SLC60A2: variants seen among roughly 807,000 people sequenced by gnomAD.
The protein encoded by SLC60A2 is major facilitator superfamily domain containing 4B.
At chr6:111,269,759 A>T in the SLC60A2 span, 40 of 152,350 alleles carry the variant, frequency 2.6e-4, 1 homozygote, top group African/African-American at 9.4e-4. Flanking sequence ...ATGTTTCCAC[A>T]CACCAACATG....
chr6:111,279,678 T>C, the SLC60A2 span, among the ~76,000 whole-genome samples: 3 of 152,298 alleles, frequency 2.0e-5, no homozygotes, highest in Admixed American at 1.3e-4. Flanking sequence ...GCTCAGATCT[T>C]TTGGAGGTTG....
At chr6:111,265,472 A>G in the SLC60A2 span, 1 of 780,228 alleles carries the variant, frequency 1.3e-6, no homozygotes, top group South Asian at 5.8e-5. Context: ...ACCAACAGCA[A>G]GTACAGAAAG....
chr6:111,272,479 T>G, the SLC60A2 span, among the ~76,000 whole-genome samples: 1 of 151,806 alleles, frequency 6.6e-6, no homozygotes, highest in Admixed American at 6.6e-5. Context: ...ACTGTGCTGT[T>G]GAACACTAGA....
the SLC60A2 span, chr6:111,263,881 A>T: frequency 2.5e-6 from 4 of 1,612,610 alleles, no homozygotes; most frequent in African/African-American, 5.3e-5. Flanking sequence ...CCTTTTTGCA[A>T]GACAGCAATA....
the SLC60A2 span, chr6:111,259,814 A>G: frequency 8.0e-7 from 1 of 1,248,144 alleles, no homozygotes; most frequent in Admixed American, 2.4e-5. Context: ...CGCGTTACCT[A>G]ATCTGACTGG....
chr6:111,277,349 C>G, the SLC60A2 span, among the ~76,000 whole-genome samples: 5 of 152,010 alleles, frequency 3.3e-5, no homozygotes, highest in African/African-American at 1.2e-4. Flanking sequence ...TTGATTTTTA[C>G]CAAGAAAGAA....
chr6:111,264,704 C>T, the SLC60A2 span, among the ~76,000 whole-genome samples: 1 of 151,032 alleles, frequency 6.6e-6, no homozygotes, highest in East Asian at 2.0e-4. Context: ...AGGAGAATGG[C>T]ATGAACCCAG....
chr6:111,265,892 C>G, the SLC60A2 span: 1 of 1,609,310 alleles, frequency 6.2e-7, no homozygotes, highest in South Asian at 1.1e-5. Context: ...ACGTCCTTAT[C>G]TTGGCTATTT....
the SLC60A2 span, chr6:111,259,596 C>T: frequency 1.5e-6 from 2 of 1,317,976 alleles, no homozygotes; most frequent in Non-Finnish European, 2.0e-6. Flanking sequence ...GCAGCGGCTC[C>T]TGCAGGCGGA....
At chr6:111,274,104 C>T in the SLC60A2 span, among the ~76,000 whole-genome samples, 8 of 152,172 alleles carry the variant, frequency 5.3e-5, no homozygotes, top group Admixed American at 5.2e-4. Flanking sequence ...ATTCCTCCCA[C>T]TTTGGCCTCC....
the SLC60A2 span, among the ~76,000 whole-genome samples, chr6:111,277,732 T>C: frequency 1.3e-5 from 2 of 152,224 alleles, no homozygotes; most frequent in Admixed American, 6.5e-5. Context: ...TTTTGTTTGT[T>C]CATTTCTAGT....
the SLC60A2 span, among the ~76,000 whole-genome samples, chr6:111,273,392 G>A: frequency 2.6e-5 from 4 of 151,914 alleles, no homozygotes; most frequent in Non-Finnish European, 2.9e-5. Flanking sequence ...CGATCCTCCC[G>A]TCTCAGCCTC....
the SLC60A2 span, among the ~76,000 whole-genome samples, chr6:111,273,051 G>A: frequency 2.0e-5 from 3 of 152,124 alleles, no homozygotes; most frequent in South Asian, 2.1e-4. Flanking sequence ...GGCTGGTCTC[G>A]AACTCCCGAC....
the SLC60A2 span, among the ~76,000 whole-genome samples, chr6:111,263,261 A>G: frequency 2.0e-5 from 3 of 152,184 alleles, no homozygotes; most frequent in Non-Finnish European, 4.4e-5. Flanking sequence ...TTTTTTGAAT[A>G]AATTGAAATA....
chr6:111,265,875 G>A, the SLC60A2 span: 1 of 1,584,606 alleles, frequency 6.3e-7, no homozygotes, highest in East Asian at 2.2e-5. Context: ...TTCATCGACA[G>A]GTGGTAACGT....
chr6:111,263,769 A>G, the SLC60A2 span: 1 of 849,348 alleles, frequency 1.2e-6, no homozygotes, highest in African/African-American at 1.7e-5. Context: ...CATTTATGAT[A>G]TTGACTTGAT....
chr6:111,275,602 G>A, the SLC60A2 span, among the ~76,000 whole-genome samples: 1 of 151,918 alleles, frequency 6.6e-6, no homozygotes, highest in Non-Finnish European at 1.5e-5. Flanking sequence ...TAAAAACAGG[G>A]TTTCACAATG....
the SLC60A2 span, among the ~76,000 whole-genome samples, chr6:111,273,788 C>A: frequency 6.6e-6 from 1 of 152,044 alleles, no homozygotes; most frequent in Non-Finnish European, 1.5e-5. Flanking sequence ...TGCAGTGGCA[C>A]AATTACGGCT....
At chr6:111,275,654 C>T in the SLC60A2 span, among the ~76,000 whole-genome samples, 250 of 152,228 alleles carry the variant, frequency 1.6e-3, 2 homozygotes, top group Non-Finnish European at 2.9e-3. Context: ...GTGATCCACC[C>T]ACCTCGGCCT....
Sources: gnomAD v4.1 joint callset for allele counts (sites outside exome capture counted in the v4.1 genomes callset) on GRCh38, gnomAD v4.1.1 for gene constraint, MANE v1.5 for transcripts, NCBI Gene and HGNC (gene_info 2026-07-23, HGNC 2026-07-21) for gene names.